NOTCH1: variants seen among roughly 807,000 people sequenced by gnomAD.
NOTCH1 encodes neurogenic locus notch homolog protein 1.
In NOTCH1, 37 loss-of-function variants were observed where a neutral mutation model predicts 254.8. That is an observed-to-expected ratio of 0.15 (90% CI 0.11 to 0.19). The LOEUF is 0.19. NOTCH1 is among the 10% of genes least tolerant of loss of function. NOTCH1 has a pLI of 1.00. For synonymous variants in NOTCH1, 1,731 were observed against 1,618.1 expected (o/e 1.07, Z -1.68); for missense variants, 2,972 against 3,708.6 (o/e 0.80, Z 5.16).
chr9:136,534,657 G>A (rs1034009583), intron 2 of NOTCH1, among the ~76,000 whole-genome samples: 5 of 152,046 alleles, frequency 3.3e-5, no homozygotes, highest in South Asian at 2.1e-4. Context: ...GGTTGGGTCC[G>A]GGCAGCATCT....
rs189521667 is a variant in NOTCH1, at chr9:136,522,071, G to A, written c.742+779C>T. ...CGGCTCACTGCAACCTCCGCCTCCC[G>A]GGTTCAAGTGATTCTCCTCCCTCAG... On this transcript the variant is annotated intron_variant, in intron 4 of 33. Transcript: ENST00000651671. Among the ~76,000 whole-genome samples the A allele has an allele frequency of 6.1e-3, 917 of 149,864 alleles. 10 individuals carry two copies. The highest frequency in any genetic ancestry group is 0.022 in the African/African-American group (883 of 40,610).
At chr9:136,534,803 C>G (rs888516521) in intron 2 of NOTCH1, among the ~76,000 whole-genome samples, 1 of 151,748 alleles carries the variant, frequency 6.6e-6, no homozygotes, top group Non-Finnish European at 1.5e-5. Flanking sequence ...CCTGTGCACG[C>G]CCAGCACATC....
chr9:136,524,827 A>G (rs1402425452), intron 2 of NOTCH1, among the ~76,000 whole-genome samples: 5 of 151,924 alleles, frequency 3.3e-5, no homozygotes, highest in Non-Finnish European at 7.4e-5. Flanking sequence ...TAGTAGAGAC[A>G]GGGTTTCACC....
intron 2 of NOTCH1, among the ~76,000 whole-genome samples, chr9:136,526,979 C>G (rs984026256): frequency 2.0e-5 from 3 of 152,210 alleles, no homozygotes; most frequent in Non-Finnish European, 2.9e-5. Context: ...TCGGACACCA[C>G]AGGGAAGGCC....
chr9:136,536,042 G>A (rs1018838354), intron 2 of NOTCH1, among the ~76,000 whole-genome samples: 2 of 152,000 alleles, frequency 1.3e-5, no homozygotes, highest in Non-Finnish European at 2.9e-5. Context: ...AGGGTAGGGG[G>A]GCGCACTGAG....
chr9:136,515,227 C>T, intron 12 of NOTCH1, 63 bp downstream of exon 12: 1 of 1,504,322 alleles, frequency 6.6e-7, no homozygotes. Context: ...AGCCCCAGGG[C>T]AGAGTGGCTG....
chr9:136,513,040 G>C lies in NOTCH1; in HGVS notation c.2448C>G (p.Asn816Lys), dbSNP rs1422745093. ...CIDDVAGYKC[N>K]CLLPYTGATC... ...CCTCACCTGTGTAGGGCAGCAGGCA[G>C]TTGCACTTGTACCCGGCAACGTCGT... The change falls in exon 15 of 34, where the codon AAC (asparagine) becomes AAG (lysine). Residue 816 changes from asparagine to lysine, a missense_variant. This residue lies in a region of NOTCH1 where 1,343 missense variants were observed against 1,557.0 expected (regional missense o/e 0.86). Coordinates refer to ENST00000651671, the MANE Select transcript of NOTCH1 (RefSeq NM_017617.5). This position sits in a 1 kb window ranked among gnomAD's most constrained non-coding sequence, Gnocchi z 4.7. 1 of 1,426,650 alleles carries C rather than the reference G, an allele frequency of 7.0e-7. No individual in the cohort carries two copies. The highest frequency in any genetic ancestry group is 9.5e-7 in the Non-Finnish European group (1 of 1,056,974). The allele number at this position is 1,426,650 out of a possible 1,614,324, so 88.4% of individuals were successfully genotyped here.
chr9:136,519,695 TGCCCGTC>T, intron 4 of NOTCH1, 130 bp from the exon 5 acceptor site: 1 of 1,352,528 alleles, frequency 7.4e-7, no homozygotes, highest in Non-Finnish European at 1.0e-6. Flanking sequence ...CCGGGGTCTG[TGCCCGTC>T]CCCTGCCTCA....
At position 136,522,985 on chromosome 9, in the gene NOTCH1, G is replaced by A. The variant is rs867209548; in HGVS notation, c.607C>T (p.Arg203Cys). 3 of 1,559,036 alleles carry A rather than the reference G, an allele frequency of 1.9e-6. No individual in the cohort carries two copies. Among genetic ancestry groups the A allele is most frequent in the Non-Finnish European group, 8.7e-7 (1 of 1,152,232 alleles). ...GTCHNEVGSY[R>C]CVCRATHTGP... ...GTGTGGGTGGCGCGGCAGACGCAGCGGTAGGAGCCGACCTCGTTGTGGCAG... is the reference window on the plus strand; with the variant it reads ...GTGTGGGTGGCGCGGCAGACGCAGCAGTAGGAGCCGACCTCGTTGTGGCAG... The change falls in exon 4 of 34, where the codon CGC (arginine) becomes TGC (cysteine). Residue 203 changes from arginine to cysteine, a missense_variant. By Grantham distance (180) the Arg-to-Cys change is radical (BLOSUM62 -3). Around this residue, in one of 8 missense-constraint regions of NOTCH1, gnomAD observed 374 missense variants for 496.3 expected, o/e 0.75. Coordinates refer to ENST00000651671, the MANE Select transcript of NOTCH1 (RefSeq NM_017617.5).
At position 136,505,039 on chromosome 9, in the gene NOTCH1, C is replaced by A. The variant is rs774068657; in HGVS notation, c.4652G>T (p.Ser1551Ile). The change falls in exon 26 of 34, where the codon AGC (serine) becomes ATC (isoleucine). Residue 1551 changes from serine (S) to isoleucine (I), a missense_variant. This residue lies in a region of NOTCH1 where 1,343 missense variants were observed against 1,557.0 expected (regional missense o/e 0.86). Transcript: ENST00000651671. ...CAGCCCGTCCCACTCGCACTCCGCG[C>A]TGTTGCAGCCCTGGTCGCAGTGCCC... ...SDGHCDQGCN[S>I]AECEWDGLDC... 1.5e-5 allele frequency: 24 copies of A among 1,610,388 alleles called. No homozygotes were observed. The Admixed American group carries it at 4.0e-4, about 27-fold the overall frequency.
chr9:136,518,406 C>T lies in NOTCH1; in HGVS notation c.1100-114G>A, dbSNP rs944358574. 22 of 1,410,032 alleles carry T rather than the reference C, an allele frequency of 1.6e-5. No individual in the cohort carries two copies. The South Asian group carries it at 1.7e-4, about 11-fold the overall frequency. 87.3% of individuals were successfully genotyped at this position (1,410,032 alleles called of 1,614,324 possible). ...CAGGAGGAGCTGCCCGCCGTGACCC[C>T]GTCGGGCATCCCGTGACACTTGGGA... On this transcript the variant is annotated intron_variant, in intron 6 of 33. Transcript: ENST00000651671.
Position 136,501,957 on chromosome 9 carries a change from G to T in NOTCH1, c.5472+44C>A, listed in dbSNP as rs759731668. 3.1e-6 allele frequency: 5 copies of T among 1,611,526 alleles called. No individual in the cohort carries two copies. The African/African-American group carries it at 5.3e-5, about 17-fold the overall frequency. Reference sequence around the variant, plus strand: ...CAGAGCCTGTCAGGGCAGCCCGGCAGCAGGTGCCCGGGAGCCCAGGAGCCC... The same window carrying T: ...CAGAGCCTGTCAGGGCAGCCCGGCATCAGGTGCCCGGGAGCCCAGGAGCCC... On this transcript the variant is annotated intron_variant, in intron 29 of 33. Transcript: ENST00000651671.
Position 136,519,452 on chromosome 9 carries a change from C to G in NOTCH1, c.856G>C (p.Glu286Gln). Residue 286 changes from glutamate (E) to glutamine (Q), a missense_variant, in exon 5 of 34, where the codon GAG becomes CAG. Transcript: ENST00000651671. Reference sequence around the variant, plus strand: ...CGACCCGTATACGCGCCTGTCCACTCTGGCGGGCAGCGGCAGTTGTAGGTG... The same window carrying G: ...CGACCCGTATACGCGCCTGTCCACTGTGGCGGGCAGCGGCAGTTGTAGGTG... The part of the protein sequence containing the change: ...VNTYNCRCPP[E>Q]WTGQYCTEDV... 7 of 1,612,932 alleles carry G rather than the reference C, an allele frequency of 4.3e-6. No homozygotes were observed. The highest frequency in any genetic ancestry group is 1.1e-5 in the South Asian group (1 of 91,092).
In NOTCH1 at chr9:136,510,641, G is replaced by A. The variant is rs36119806; in HGVS notation, c.2740+12C>T. On this transcript the variant is annotated intron_variant, in intron 17 of 33. Coordinates refer to ENST00000651671, the MANE Select transcript of NOTCH1 (RefSeq NM_017617.5). The stretch of plus-strand genomic sequence containing the variant: ...GCTTCCTGGAGGAGGCCAGAGCCGC[G>A]GGGCTACTCACTGGGCCGGCAGTCG... The A allele has an allele frequency of 0.11, 175,479 of 1,600,820 alleles. 10,533 individuals are homozygous for A. The highest frequency in any genetic ancestry group is 0.19 in the South Asian group (17,420 of 90,254).
intron 21 of NOTCH1, 27 bp downstream of exon 21, chr9:136,507,928 A>G (rs115223996): frequency 9.9e-6 from 16 of 1,610,894 alleles, no homozygotes; most frequent in Non-Finnish European, 1.4e-5. Context: ...TGCCGGCCAC[A>G]ACCCTTACCC....
intron 31 of NOTCH1, among the ~76,000 whole-genome samples, chr9:136,499,880 C>T (rs545300555): frequency 1.5e-3 from 231 of 152,342 alleles, no homozygotes; most frequent in Non-Finnish European, 2.9e-3. Context: ...TGCTCACCTA[C>T]ATTTATTTCT....
rs768543030 is a variant in NOTCH1, at chr9:136,497,479, C to T, written c.6260G>A (p.Arg2087Gln). 6.2e-6 allele frequency: 10 copies of T among 1,612,138 alleles called. No individual in the cohort carries two copies. Among genetic ancestry groups the T allele is most frequent in the East Asian group, 2.2e-5 (1 of 44,866 alleles). ...AKVLLDHFAN[R>Q]DITDHMDRLP... The stretch of plus-strand genomic sequence containing the variant: ...GCGGTCCATATGATCCGTGATGTCC[C>T]GGTTGGCAAAGTGGTCCAGCAGCAC... Residue 2087 changes from arginine (R) to glutamine (Q), a missense_variant, in exon 34 of 34, where the codon CGG (arginine) becomes CAG (glutamine). Transcript: ENST00000651671.
rs1311492475 is a variant in NOTCH1 at position 136,517,126 on chromosome 9, G to A, written c.1555+146C>T. 9 of 594,860 alleles carry A rather than the reference G, an allele frequency of 1.5e-5. No individual in the cohort carries two copies. The Middle Eastern group carries it at 1.8e-3, about 119-fold the overall frequency. 36.8% of individuals were successfully genotyped at this position (594,860 alleles called of 1,614,324 possible). A position where few individuals can be genotyped will look rare whatever the true frequency, so the allele number is the denominator to read the frequency against. On this transcript the variant is annotated intron_variant, in intron 9 of 33. Coordinates refer to ENST00000651671, the MANE Select transcript of NOTCH1 (RefSeq NM_017617.5). Reference sequence around the variant, plus strand: ...CAGGAGGCCGGGGTGCGGACGGCCCGAGGGCAGGGGGTGGGGGCGGCCCTC... The same window carrying A: ...CAGGAGGCCGGGGTGCGGACGGCCCAAGGGCAGGGGGTGGGGGCGGCCCTC...
intron 2 of NOTCH1, among the ~76,000 whole-genome samples, chr9:136,529,222 G>T (rs1017605732): frequency 2.6e-5 from 4 of 152,198 alleles, no homozygotes; most frequent in African/African-American, 9.6e-5. Flanking sequence ...TGGACTGGCT[G>T]GGGGGACACT....
Sources: allele counts gnomAD v4.1 joint callset (sites outside exome capture counted in the v4.1 genomes callset), GRCh38; gene constraint gnomAD v4.1.1; regional missense constraint gnomAD v4.1.1; non-coding constraint Gnocchi (gnomAD v3.1); transcripts MANE v1.5; gene names NCBI Gene and HGNC (gene_info 2026-07-23, HGNC 2026-07-21).